Variants in FAS observed in about 807,000 individuals in gnomAD.
FAS encodes the protein tumor necrosis factor receptor superfamily member 6.
Under a neutral mutation model 33.2 loss-of-function variants are expected in FAS, and 5 were observed. The observed-to-expected ratio is 0.15, with a 90% confidence interval of 0.08 to 0.32. FAS has a LOEUF of 0.32. Among genes scored for constraint, FAS ranks in the 10% least tolerant of loss-of-function variants. The pLI, the probability that FAS is intolerant of heterozygous loss-of-function variation, is 1.00. For synonymous variants in FAS, 131 were observed against 130.7 expected (o/e 1.00, Z -0.01); for missense variants, 339 against 386.0 (o/e 0.88, Z 1.02).
At chr10:88,987,358 A>G (rs894048278), upstream of FAS, among the ~76,000 whole-genome samples, 1 of 152,248 alleles carries the variant, frequency 6.6e-6, no homozygotes, top group Non-Finnish European at 1.5e-5. Context: ...TAGCTTAAGC[A>G]GAAACTAAGA....
chr10:88,983,215 A>G (rs1846754518), upstream of FAS, among the ~76,000 whole-genome samples: 1 of 152,200 alleles, frequency 6.6e-6, no homozygotes, highest in African/African-American at 2.4e-5. Flanking sequence ...AGAGGAGTGA[A>G]CATAAACAGC....
intron 1 of FAS, among the ~76,000 whole-genome samples, chr10:88,992,019 T>TA (rs1471821669): frequency 2.6e-5 from 4 of 152,172 alleles, no homozygotes. Flanking sequence ...GTGGGGAAGA[T>TA]AACCACATCC....
At chr10:88,990,620 C>A (rs1489936757), upstream of FAS, 4 of 687,956 alleles carry the variant, frequency 5.8e-6, no homozygotes, top group Non-Finnish European at 1.1e-5. This position sits in a 1 kb window ranked among gnomAD's most constrained non-coding sequence, Gnocchi z 4.9. Flanking sequence ...ATCCTCCTGA[C>A]CACCGGGGCT....
chr10:89,014,238 A>C lies in FAS; in HGVS notation c.796A>C (p.Asn266His). 4 of 1,614,018 alleles carry C rather than the reference A, an allele frequency of 2.5e-6. No homozygotes were observed. Among genetic ancestry groups the C allele is most frequent in the Non-Finnish European group, 2.5e-6 (3 of 1,179,940 alleles). Residue 266 changes from asparagine (N) to histidine (H), a missense_variant, in exon 9 of 9, where the codon AAT becomes CAT. Asn to His is a moderately conservative substitution (Grantham distance 68, BLOSUM62 1). Around this residue, in one of 3 missense-constraint regions of FAS, gnomAD observed 11 missense variants for 33.2 expected, o/e 0.33. Transcript: ENST00000652046. ...CAAAATAGATGAGATCAAGAATGAC[A>C]ATGTCCAAGACACAGCAGAACAGAA... Reference protein sequence around the residue: ...EAKIDEIKNDNVQDTAEQKVQ... With the variant: ...EAKIDEIKNDHVQDTAEQKVQ...
In FAS at chr10:89,010,791, T is replaced by C; in HGVS notation, c.544T>C (p.Leu182=). 6.2e-7 allele frequency: 1 copy of C among 1,614,108 alleles called. No individual in the cohort carries two copies. The highest frequency in any genetic ancestry group is 8.5e-7 in the Non-Finnish European group (1 of 1,179,992). The part of the protein sequence containing the change: ...SNLGWLCLLL[L]PIPLIVWVKR... The stretch of plus-strand genomic sequence containing the variant: ...CTTGGGGTGGCTTTGTCTTCTTCTT[T>C]TGCCAATTCCACTAATTGTTTGGGG... Residue 182 remains leucine, a synonymous_variant, in exon 6 of 9, where the codon TTG becomes CTG. Transcript: ENST00000652046.
At chr10:89,011,103 C>T (rs1360042213) in intron 6 of FAS, among the ~76,000 whole-genome samples, 2 of 152,194 alleles carry the variant, frequency 1.3e-5, no homozygotes, top group African/African-American at 4.8e-5. Context: ...AGCAATTCTT[C>T]ACTATTCATT....
upstream of FAS, among the ~76,000 whole-genome samples, chr10:88,983,090 T>C (rs534762930): frequency 1.3e-5 from 2 of 152,332 alleles, no homozygotes; most frequent in African/African-American, 4.8e-5. Flanking sequence ...GTAGTTTATA[T>C]CCATATTGAG....
chr10:88,980,273 C>A (rs1846678842), intron 2 of FAS, among the ~76,000 whole-genome samples: 1 of 152,088 alleles, frequency 6.6e-6, no homozygotes, highest in Admixed American at 6.5e-5. Context: ...ATTTGAAGAG[C>A]ATCTGGGAAG....
At chr10:88,987,689 C>T (rs1384947978), upstream of FAS, among the ~76,000 whole-genome samples, 1 of 151,958 alleles carries the variant, frequency 6.6e-6, no homozygotes, top group African/African-American at 2.4e-5. Context: ...AGCCAAGTCA[C>T]ATTTCCCACC....
intron 3 of FAS, 98 bp downstream of exon 3, chr10:89,007,935 T>A (rs1021116485): frequency 3.2e-6 from 5 of 1,567,126 alleles, no homozygotes; most frequent in Non-Finnish European, 3.5e-6. Context: ...TGTGGTGCTA[T>A]GTTGACACAC....
rs1304075342 is a variant in FAS at position 88,991,321 on chromosome 10, A to ACAAGC, written c.30+424_30+428dup. 82 of 351,208 alleles carry ACAAGC rather than the reference A, an allele frequency of 2.3e-4. 2 individuals are homozygous for ACAAGC. The highest frequency in any genetic ancestry group is 1.3e-3 in the South Asian group (48 of 35,994). 21.8% of individuals were successfully genotyped at this position (351,208 alleles called of 1,614,324 possible). A position where few individuals can be genotyped will look rare whatever the true frequency, so the allele number is the denominator to read the frequency against. On this transcript the variant is annotated intron_variant, in intron 1 of 8. Coordinates refer to ENST00000652046, the MANE Select transcript of FAS (RefSeq NM_000043.6). ...GAGCGGAACTCCTGGACAAGCCCTG[A>ACAAGC]CAAGCCAAGCCAAAGGTCCGCTCCG...
At chr10:88,985,242 A>G (rs1466484167), upstream of FAS, among the ~76,000 whole-genome samples, 1 of 152,196 alleles carries the variant, frequency 6.6e-6, no homozygotes, top group Admixed American at 6.5e-5. Flanking sequence ...CATCTAGTGA[A>G]GTAACTGAAC....
Position 89,013,352 on chromosome 10 carries a change from G to A in FAS, c.661G>A (p.Ala221Thr). ...ESPTLNPETV[A>T]INLSDVDLSK... ...ATTTTTTGCTTTCTAGGAAACAGTGGCAATAAATTTATCTGGTAAGGCTTT... is the reference window on the plus strand; with the variant it reads ...ATTTTTTGCTTTCTAGGAAACAGTGACAATAAATTTATCTGGTAAGGCTTT... Residue 221 changes from alanine (A) to threonine (T), a missense_variant, in exon 8 of 9, where the codon GCA becomes ACA. Around this residue, in one of 3 missense-constraint regions of FAS, gnomAD observed 276 missense variants for 300.1 expected, o/e 0.92. Coordinates refer to ENST00000652046, the MANE Select transcript of FAS (RefSeq NM_000043.6). The A allele has an allele frequency of 6.2e-7, 1 of 1,611,344 alleles. No individual in the cohort carries two copies. The highest frequency in any genetic ancestry group is 8.5e-7 in the Non-Finnish European group (1 of 1,178,662).
intron 2 of FAS, among the ~76,000 whole-genome samples, chr10:88,978,965 G>A (rs1049580332): frequency 5.3e-5 from 8 of 151,648 alleles, no homozygotes; most frequent in African/African-American, 1.9e-4. Context: ...GCACTGCATA[G>A]CATCTTTTCT....
intron 2 of FAS, among the ~76,000 whole-genome samples, chr10:88,975,960 T>C (rs2133334642): frequency 6.6e-6 from 1 of 152,332 alleles, no homozygotes; most frequent in Non-Finnish European, 1.5e-5. Flanking sequence ...GACAAATTAA[T>C]TGTCACCAAA....
At chr10:89,005,725 C>A (rs920562759) in intron 2 of FAS, among the ~76,000 whole-genome samples, 1 of 152,146 alleles carries the variant, frequency 6.6e-6, no homozygotes, top group African/African-American at 2.4e-5. Flanking sequence ...GCAACCTCTG[C>A]CTTCTGGGTT....
intron 2 of FAS, among the ~76,000 whole-genome samples, chr10:88,979,254 G>C (rs1016816064): frequency 1.1e-4 from 17 of 151,358 alleles, no homozygotes; most frequent in African/African-American, 3.9e-4. Flanking sequence ...TGAGTACTGA[G>C]ACAAAAAAGC....
rs117702636 is a variant in FAS at position 88,991,581 on chromosome 10, A to G, written c.30+675A>G. 9.8e-4 allele frequency: 152 copies of G among 154,994 alleles called. 5 individuals are homozygous for G. In the East Asian group the frequency reaches 0.028, roughly 28 times the overall value. 9.6% of individuals were successfully genotyped at this position (154,994 alleles called of 1,614,324 possible). On this transcript the variant is annotated intron_variant, in intron 1 of 8. Transcript: ENST00000652046. Reference sequence around the variant, plus strand: ...TACCGTTTTTTATTGTCACACAGAAAAAGAAACTGCCTTGTCTCCCTTCCG... The same window carrying G: ...TACCGTTTTTTATTGTCACACAGAAGAAGAAACTGCCTTGTCTCCCTTCCG...
At position 88,975,881 on chromosome 10, in the gene FAS, A is replaced by G. The variant is rs148514785; in HGVS notation, n.260+2534A>G. Among the ~76,000 whole-genome samples, 9 of 152,244 alleles carry G rather than the reference A, an allele frequency of 5.9e-5. No homozygotes were observed. The South Asian group carries it at 8.3e-4, about 14-fold the overall frequency. ...ACTATCAGTATACAGTACTACTCCCATTGTGTTATACCATAATACTATGCA... is the reference window on the plus strand; with the variant it reads ...ACTATCAGTATACAGTACTACTCCCGTTGTGTTATACCATAATACTATGCA... On this transcript the variant is annotated intron_variant and non_coding_transcript_variant, in intron 2 of 3. Coordinates refer to the FAS transcript ENST00000688239.
Sources: allele counts gnomAD v4.1 joint callset (sites outside exome capture counted in the v4.1 genomes callset), GRCh38; gene constraint gnomAD v4.1.1; regional missense constraint gnomAD v4.1.1; non-coding constraint Gnocchi (gnomAD v3.1); transcripts MANE v1.5; gene names NCBI Gene and HGNC (gene_info 2026-07-23, HGNC 2026-07-21).